ILRUN: variants seen among roughly 807,000 people sequenced by gnomAD.
The protein encoded by ILRUN is inflammation and lipid regulator with UBA-like and NBR1-like domains.
Under a neutral mutation model 33.8 loss-of-function variants are expected in ILRUN, and 3 were observed. The ratio of observed to expected loss-of-function variants is 0.09; its 90% CI spans 0.04 to 0.23. ILRUN has a LOEUF of 0.23. ILRUN is among the 10% of genes least tolerant of loss of function. The pLI, the probability that ILRUN is intolerant of heterozygous loss-of-function variation, is 1.00. For missense variants in ILRUN, 210 were observed against 375.1 expected (o/e 0.56, Z 3.64); for synonymous variants, 124 against 138.9 (o/e 0.89, Z 0.75).
chr6:34,651,789 CTTTTT>C (rs11288958), intron 2 of ILRUN, among the ~76,000 whole-genome samples: 12 of 102,810 alleles, frequency 1.2e-4, no homozygotes, highest in African/African-American at 4.9e-4. Context: ...TTCCAAAAAA[CTTTTT>C]TTTTTTTTTT....
chr6:34,615,786 C>A (rs576112848), intron 3 of ILRUN, among the ~76,000 whole-genome samples: 4 of 152,268 alleles, frequency 2.6e-5, no homozygotes, highest in Non-Finnish European at 5.9e-5. Context: ...CAGCTGAAGA[C>A]AGAAGCCAGT....
intron 4 of ILRUN, chr6:34,595,933 G>A: frequency 8.1e-6 from 8 of 985,136 alleles, no homozygotes; most frequent in Non-Finnish European, 9.6e-6. Context: ...TGCTCCTTTT[G>A]TATCACTTAT....
intron 3 of ILRUN, among the ~76,000 whole-genome samples, chr6:34,635,854 T>G (rs146668876): frequency 0.011 from 1,712 of 152,180 alleles, 12 homozygotes; most frequent in Non-Finnish European, 0.016. Flanking sequence ...ACTCCTGACC[T>G]CTGGTGATCC....
chr6:34,654,822 G>T, intron 1 of ILRUN, 43 bp from the exon 2 acceptor site: 1 of 1,534,660 alleles, frequency 6.5e-7, no homozygotes, highest in Non-Finnish European at 8.8e-7. Flanking sequence ...GTACTGTCCA[G>T]ATATTATCCT....
In ILRUN at chr6:34,661,604, A is replaced by T. The variant is rs113669765; in HGVS notation, c.159-6825T>A. 6.6e-4 allele frequency among the ~76,000 whole-genome samples: 100 copies of T among 152,338 alleles called. 1 individual carries two copies. Among genetic ancestry groups the T allele is most frequent in the African/African-American group, 1.9e-3 (81 of 41,576 alleles). On this transcript the variant is annotated intron_variant, in intron 1 of 4. Coordinates refer to ENST00000374023, the MANE Select transcript of ILRUN (RefSeq NM_024294.4). ...AAACATCTAGATAAAACACACAGAG[A>T]AAGAAACCTAAAGGTATTTCAAGTC...
intron 3 of ILRUN, among the ~76,000 whole-genome samples, chr6:34,644,085 G>T (rs1239809532): frequency 6.6e-6 from 1 of 152,108 alleles, no homozygotes; most frequent in Non-Finnish European, 1.5e-5. Flanking sequence ...TTGAATTTGA[G>T]AGAGTTGCTA....
chr6:34,652,041 C>T (rs771355807), intron 2 of ILRUN, among the ~76,000 whole-genome samples: 31 of 152,122 alleles, frequency 2.0e-4, no homozygotes, highest in Admixed American at 1.2e-3. Context: ...ATCTGCCCAC[C>T]TTGGCCTCCC....
At chr6:34,601,226 C>T (rs2127314741) in intron 4 of ILRUN, among the ~76,000 whole-genome samples, 1 of 152,274 alleles carries the variant, frequency 6.6e-6, no homozygotes, top group Middle Eastern at 3.4e-3. Flanking sequence ...TTAAAAAAGT[C>T]CTCAGCACAG....
Position 34,592,830 on chromosome 6 carries a change from A to T in ILRUN, c.862-2230T>A, listed in dbSNP as rs1415911827. The stretch of plus-strand genomic sequence containing the variant: ...AACTTTAATTCCCTTAAGGTTTAGA[A>T]CCAATACAATGCTCAAAGGTCTCTG... On this transcript the variant is annotated intron_variant, in intron 4 of 4. Coordinates refer to ENST00000374023, the MANE Select transcript of ILRUN (RefSeq NM_024294.4). This position sits in a 1 kb window ranked among gnomAD's most constrained non-coding sequence, Gnocchi z 4.0. Among the ~76,000 whole-genome samples, 1 of 152,196 alleles carries T rather than the reference A, an allele frequency of 6.6e-6. No homozygotes were observed. The highest frequency in any genetic ancestry group is 2.4e-5 in the African/African-American group (1 of 41,450).
At chr6:34,657,713 C>G (rs1762803266) in intron 1 of ILRUN, among the ~76,000 whole-genome samples, 1 of 152,138 alleles carries the variant, frequency 6.6e-6, no homozygotes, top group Non-Finnish European at 1.5e-5. Flanking sequence ...TCTCAGAGTT[C>G]AGAGAATTTA....
At chr6:34,596,719 A>G (rs1475256827) in intron 4 of ILRUN, among the ~76,000 whole-genome samples, 1 of 152,182 alleles carries the variant, frequency 6.6e-6, no homozygotes, top group Admixed American at 6.5e-5. Flanking sequence ...AAAAAACCCT[A>G]CTTCTACACT....
chr6:34,591,644 C>T (rs1197386506), intron 4 of ILRUN, among the ~76,000 whole-genome samples: 6 of 152,048 alleles, frequency 3.9e-5, no homozygotes, highest in Non-Finnish European at 5.9e-5. Flanking sequence ...GCACTACAGG[C>T]GCCCGCCAAC....
chr6:34,679,734 G>C (rs1763317675), intron 1 of ILRUN, among the ~76,000 whole-genome samples: 1 of 152,172 alleles, frequency 6.6e-6, no homozygotes, highest in Non-Finnish European at 1.5e-5. Context: ...GATGTAATCA[G>C]TTAAGATGAG....
chr6:34,690,585 TCA>T (rs1562036827), intron 1 of ILRUN, among the ~76,000 whole-genome samples: 2 of 151,042 alleles, frequency 1.3e-5, no homozygotes, highest in Non-Finnish European at 3.0e-5. Flanking sequence ...TGGTTTCCCA[TCA>T]AAAAAAAGCC....
chr6:34,682,063 C>G (rs1413562265), intron 1 of ILRUN, among the ~76,000 whole-genome samples: 3 of 112,084 alleles, frequency 2.7e-5, no homozygotes, highest in Non-Finnish European at 5.6e-5. Flanking sequence ...TTTCTAGAGA[C>G]GGGGTTTCAC....
chr6:34,600,917 C>A (rs1452748188), intron 4 of ILRUN, among the ~76,000 whole-genome samples: 1 of 152,144 alleles, frequency 6.6e-6, no homozygotes, highest in African/African-American at 2.4e-5. Flanking sequence ...GCTTAGAAGT[C>A]AAAAATAACT....
At position 34,587,367 on chromosome 6, in the gene ILRUN, T is replaced by A. The variant is rs1038969892; in HGVS notation, c.*3198A>T. Reference sequence around the variant, plus strand: ...GAAAAACCTCCTCATCTTTATCTCCTCCTAGGCACCATGAGGCCCCACCAC... The same window carrying A: ...GAAAAACCTCCTCATCTTTATCTCCACCTAGGCACCATGAGGCCCCACCAC... On this transcript the variant is annotated 3_prime_UTR_variant, in exon 5 of 5. Coordinates refer to ENST00000374023, the MANE Select transcript of ILRUN (RefSeq NM_024294.4). The A allele has an allele frequency of 1.3e-5, 2 of 152,576 alleles. No individual in the cohort carries two copies. The highest frequency in any genetic ancestry group is 2.9e-5 in the Non-Finnish European group (2 of 68,026). 9.5% of individuals were successfully genotyped at this position (152,576 alleles called of 1,614,324 possible). A position where few individuals can be genotyped will look rare whatever the true frequency, so the allele number is the denominator to read the frequency against.
chr6:34,674,645 G>C (rs1424779055), intron 1 of ILRUN, among the ~76,000 whole-genome samples: 1 of 152,206 alleles, frequency 6.6e-6, no homozygotes, highest in Non-Finnish European at 1.5e-5. Context: ...ACCCCTTGTT[G>C]CTTTTAACAA....
rs544988335 is a variant in ILRUN, at chr6:34,634,036, G to T, written c.511+12565C>A. On this transcript the variant is annotated intron_variant, in intron 3 of 4. Transcript: ENST00000374023. ...GCACTTTGGGAGGCAGAGGCAAAAA[G>T]ATCACTTGAGCCGAGGAATGAGACC... Among the ~76,000 whole-genome samples, 24 of 152,154 alleles carry T rather than the reference G, an allele frequency of 1.6e-4. 1 individual carries two copies. The South Asian group carries it at 4.6e-3, about 29-fold the overall frequency.
Sources: gnomAD v4.1 joint callset for allele counts (sites outside exome capture counted in the v4.1 genomes callset) on GRCh38, gnomAD v4.1.1 for gene constraint, Gnocchi (gnomAD v3.1) non-coding constraint, MANE v1.5 for transcripts, NCBI Gene and HGNC (gene_info 2026-07-23, HGNC 2026-07-21) for gene names.